Variants in DOCK8 observed in about 807,000 individuals in gnomAD.
DOCK8 encodes dedicator of cytokinesis 8.
In DOCK8, 141 loss-of-function variants were observed where a neutral mutation model predicts 245.6. The ratio of observed to expected loss-of-function variants is 0.57; its 90% CI spans 0.50 to 0.66. The LOEUF (loss-of-function observed/expected upper bound fraction) is 0.66. DOCK8 is among the 30% of genes least tolerant of loss of function. DOCK8 has a pLI of 0.00. For synonymous variants in DOCK8, 1,168 were observed against 970.2 expected (o/e 1.20, Z -3.79); for missense variants, 2,965 against 2,603.4 (o/e 1.14, Z -3.02).
At chr9:271,011 C>G (rs2048149119) in intron 1 of DOCK8, among the ~76,000 whole-genome samples, 1 of 152,222 alleles carries the variant, frequency 6.6e-6, no homozygotes. Context: ...ACAATTTCCT[C>G]TCATGTGTAT....
At chr9:213,941 T>A (rs1463916094), upstream of DOCK8, 1 of 152,298 alleles carries the variant, frequency 6.6e-6, no homozygotes, top group Non-Finnish European at 1.5e-5. Flanking sequence ...TTGGCCAGGA[T>A]GGTCTCGATC....
chr9:266,723 T>G (rs1356042448), intron 1 of DOCK8, among the ~76,000 whole-genome samples: 1 of 152,174 alleles, frequency 6.6e-6, no homozygotes, highest in Non-Finnish European at 1.5e-5. Flanking sequence ...TCACCACCAT[T>G]CTGACTCCTT....
chr9:360,244 C>T (rs547947722), intron 14 of DOCK8, among the ~76,000 whole-genome samples: 12 of 149,412 alleles, frequency 8.0e-5, no homozygotes, highest in Non-Finnish European at 1.8e-4. Flanking sequence ...TGATCTTGGG[C>T]AGTGGAGGTT....
chr9:364,324 A>C (rs569966481), intron 14 of DOCK8, among the ~76,000 whole-genome samples: 1 of 152,300 alleles, frequency 6.6e-6, no homozygotes, highest in African/African-American at 2.4e-5. Context: ...AGCTTTGTAC[A>C]TACAGTATGA....
intron 3 of DOCK8, among the ~76,000 whole-genome samples, chr9:287,332 A>G (rs150520867): frequency 6.6e-6 from 1 of 152,330 alleles, no homozygotes; most frequent in African/African-American, 2.4e-5. Flanking sequence ...TTGTAGCTAA[A>G]TGAAACGCCT....
chr9:387,001 A>G (rs986706541), intron 23 of DOCK8, among the ~76,000 whole-genome samples: 12 of 152,194 alleles, frequency 7.9e-5, no homozygotes, highest in Non-Finnish European at 2.9e-5. Flanking sequence ...TAAAGCAACA[A>G]AATTCCCCAA....
At position 464,895 on chromosome 9, in the gene DOCK8, A is replaced by G. The variant is rs2057922623; in HGVS notation, c.*676A>G. On this transcript the variant is annotated 3_prime_UTR_variant, in exon 48 of 48. Transcript: ENST00000432829. The stretch of plus-strand genomic sequence containing the variant: ...CATTCAAAGCACTGATGTAGGAGAT[A>G]CACGGTACTTGGAGCAGTCAGCCAG... The G allele has an allele frequency of 6.5e-6, 1 of 154,214 alleles. No individual in the cohort carries two copies. The highest frequency in any genetic ancestry group is 6.4e-5 in the Admixed American group (1 of 15,716). The allele number at this position is 154,214 out of a possible 1,614,324, so 9.6% of individuals were successfully genotyped here.
chr9:232,578 G>A (rs2063706134), intron 1 of DOCK8, among the ~76,000 whole-genome samples: 1 of 152,114 alleles, frequency 6.6e-6, no homozygotes, highest in Non-Finnish European at 1.5e-5. Context: ...TTCAGATCCT[G>A]TTATTTGTCT....
Position 382,505 on chromosome 9 carries a change from G to T in DOCK8, c.2606-8G>T. 1 of 1,613,410 alleles carries T rather than the reference G, an allele frequency of 6.2e-7. No individual in the cohort carries two copies. Among genetic ancestry groups the T allele is most frequent in the Non-Finnish European group, 8.5e-7 (1 of 1,179,860 alleles). ...TCTGTTGACATGTCTCTGCCTGGTG[G>T]GGTGCAGGCGCTCCCACTGCCCTCC... is the stretch of plus-strand genomic sequence containing the variant. On this transcript the variant is annotated splice_region_variant and splice_polypyrimidine_tract_variant and intron_variant, in intron 21 of 47. Transcript: ENST00000432829.
chr9:418,952 T>C (rs2056155526), intron 30 of DOCK8, among the ~76,000 whole-genome samples: 1 of 152,160 alleles, frequency 6.6e-6, no homozygotes, highest in African/African-American at 2.4e-5. Flanking sequence ...ACTGCAGCTT[T>C]TCTAGGACCC....
intron 14 of DOCK8, among the ~76,000 whole-genome samples, chr9:348,621 C>G (rs2052014634): frequency 6.6e-6 from 1 of 152,194 alleles, no homozygotes; most frequent in African/African-American, 2.4e-5. Context: ...CAAAGTTAGG[C>G]TTGCATTTGA....
chr9:403,858 A>ATCTCTCTGTC lies in DOCK8; in HGVS notation c.3235-1053_3235-1052insGTCTCTCTCT, dbSNP rs1554693888. On this transcript the variant is annotated intron_variant, in intron 26 of 47. Transcript: ENST00000432829. ...CCAGTTCAACAGAGCAAGACTCTGT[A>ATCTCTCTGTC]TCTCTCTCTCTCTCTCTCTCTCTCT... Among the ~76,000 whole-genome samples the ATCTCTCTGTC allele has an allele frequency of 1.6e-3, 137 of 83,950 alleles. 7 individuals are homozygous for ATCTCTCTGTC. The highest frequency in any genetic ancestry group is 4.7e-3 in the South Asian group (10 of 2,136). 55.1% of individuals were successfully genotyped at this position (83,950 alleles called of 152,430 possible). A position where few individuals can be genotyped will look rare whatever the true frequency, so the allele number is the denominator to read the frequency against.
At chr9:221,725 G>A (rs2046886769) in intron 1 of DOCK8, among the ~76,000 whole-genome samples, 1 of 151,770 alleles carries the variant, frequency 6.6e-6, no homozygotes, top group African/African-American at 2.4e-5. Context: ...AGGAGGTTGA[G>A]GCAGGAGAAT....
chr9:347,221 A>T (rs930909466), intron 14 of DOCK8, among the ~76,000 whole-genome samples: 3 of 152,140 alleles, frequency 2.0e-5, no homozygotes, highest in African/African-American at 7.2e-5. Context: ...CAAATGCTCC[A>T]TACCGGGCAC....
chr9:421,510 G>A (rs1440199494), intron 32 of DOCK8, among the ~76,000 whole-genome samples: 1 of 152,156 alleles, frequency 6.6e-6, no homozygotes, highest in Non-Finnish European at 1.5e-5. Flanking sequence ...AATGGAACCA[G>A]TTCCCTGAAA....
At chr9:219,815 C>T (rs145745486) in intron 1 of DOCK8, among the ~76,000 whole-genome samples, 1 of 152,120 alleles carries the variant, frequency 6.6e-6, no homozygotes, top group Non-Finnish European at 1.5e-5. Context: ...GAGGATCACT[C>T]GAACCCAGGA....
chr9:339,140 A>G lies in DOCK8; in HGVS notation c.1516+41A>G, dbSNP rs561449021. The G allele has an allele frequency of 3.4e-5, 53 of 1,542,264 alleles. 4 individuals carry two copies. The African/African-American group carries it at 6.0e-4, about 17-fold the overall frequency. ...CTTTATCCTCTTTAGCTGTGCCAAAACTGCTTATCGTTAGACACAGTCTTT... is the reference window on the plus strand; with the variant it reads ...CTTTATCCTCTTTAGCTGTGCCAAAGCTGCTTATCGTTAGACACAGTCTTT... On this transcript the variant is annotated intron_variant, in intron 13 of 47. Coordinates refer to ENST00000432829, the MANE Select transcript of DOCK8 (RefSeq NM_203447.4).
intron 1 of DOCK8, among the ~76,000 whole-genome samples, chr9:218,799 G>C (rs1193744404): frequency 1.3e-5 from 2 of 152,204 alleles, no homozygotes; most frequent in East Asian, 1.9e-4. Flanking sequence ...TGGACAGTCA[G>C]GATTGAAAGG....
At chr9:266,460 C>T (rs780949912) in intron 1 of DOCK8, among the ~76,000 whole-genome samples, 6 of 152,120 alleles carry the variant, frequency 3.9e-5, no homozygotes, top group Non-Finnish European at 7.3e-5. Context: ...ATAAAAATCA[C>T]CTGGAATTGC....
Sources: gnomAD v4.1 joint callset for allele counts (sites outside exome capture counted in the v4.1 genomes callset) on GRCh38, gnomAD v4.1.1 for gene constraint, MANE v1.5 for transcripts, NCBI Gene and HGNC (gene_info 2026-07-23, HGNC 2026-07-21) for gene names.